Variants in SCAI observed in about 807,000 individuals in gnomAD.
SCAI encodes suppressor of cancer cell invasion.
Under a neutral mutation model 92.2 loss-of-function variants are expected in SCAI, and 24 were observed. The ratio of observed to expected loss-of-function variants is 0.26; its 90% CI spans 0.19 to 0.37. The LOEUF is 0.37. Ranked by LOEUF, SCAI falls within the 10% of genes least tolerant of loss-of-function variation. SCAI has a pLI of 1.00. For missense variants in SCAI, 450 were observed against 736.2 expected, an observed-to-expected ratio of 0.61 and a Z score of 4.50; for synonymous variants, 261 against 258.6, an observed-to-expected ratio of 1.01 and a Z score of -0.09.
In SCAI at chr9:125,042,859, T is replaced by TTTTG. The variant is rs1588172645; in HGVS notation, c.230+13016_230+13017insCAAA. ...CTGGGACCACATTCTGCTCCCTGGC[T>TTTTG]TTTTTTTTTTTTTTTTTTTTTTTTT... On this transcript the variant is annotated intron_variant, in intron 3 of 17. Transcript: ENST00000336505. Among the ~76,000 whole-genome samples, 215 of 31,534 alleles carry TTTTG rather than the reference T, an allele frequency of 6.8e-3. 7 individuals are homozygous for TTTTG. The highest frequency in any genetic ancestry group is 0.038 in the Admixed American group (124 of 3,304). The allele number at this position is 31,534 out of a possible 152,430, so 20.7% of individuals were successfully genotyped here.
rs1368488339 is a variant in SCAI at position 124,948,905 on chromosome 9, A to C, written c.*3902T>G. 6.6e-6 allele frequency: 1 copy of C among 152,190 alleles called. No homozygotes were observed. Among genetic ancestry groups the C allele is most frequent in the African/African-American group, 2.4e-5 (1 of 41,454 alleles). The allele number at this position is 152,190 out of a possible 1,614,324, so 9.4% of individuals were successfully genotyped here. A position where few individuals can be genotyped will look rare whatever the true frequency, so the allele number is the denominator to read the frequency against. ...ATAAAATTAAATACATTAGGGTTTA[A>C]ATTTTTTTATAAAGGGCAGGTGGTA... On this transcript the variant is annotated 3_prime_UTR_variant, in exon 18 of 18. Coordinates refer to ENST00000336505, the MANE Select transcript of SCAI (RefSeq NM_001144877.3).
At chr9:124,976,303 T>G in intron 14 of SCAI, 117 bp from the exon 15 acceptor site, 1 of 682,110 alleles carries the variant, frequency 1.5e-6, no homozygotes, top group Non-Finnish European at 2.6e-6. Flanking sequence ...CATAAATAGA[T>G]GCAGAAACAT....
intron 14 of SCAI, among the ~76,000 whole-genome samples, chr9:124,986,558 T>C (rs1445584612): frequency 1.3e-5 from 2 of 152,162 alleles, no homozygotes; most frequent in Non-Finnish European, 2.9e-5. Flanking sequence ...CTAATACACA[T>C]ATTTAATTGG....
intron 2 of SCAI, among the ~76,000 whole-genome samples, chr9:125,088,661 A>G (rs143022547): frequency 0.014 from 2,091 of 152,316 alleles, 20 homozygotes; most frequent in Non-Finnish European, 0.023. Context: ...AATTTTTTGT[A>G]GAGATGGGGT....
At chr9:124,983,489 A>AT (rs1831928429) in intron 14 of SCAI, among the ~76,000 whole-genome samples, 1 of 152,142 alleles carries the variant, frequency 6.6e-6, no homozygotes, top group South Asian at 2.1e-4. Context: ...ACTAGCTGGG[A>AT]TTACAGGCAT....
At chr9:125,004,870 C>T (rs1352447918) in intron 9 of SCAI, among the ~76,000 whole-genome samples, 1 of 142,670 alleles carries the variant, frequency 7.0e-6, no homozygotes, top group Non-Finnish European at 1.5e-5. Context: ...CTCACTGCAA[C>T]CTCCTCCTCC....
At chr9:125,061,017 G>C (rs1250579089) in intron 2 of SCAI, among the ~76,000 whole-genome samples, 1 of 152,160 alleles carries the variant, frequency 6.6e-6, no homozygotes, top group Admixed American at 6.5e-5. Flanking sequence ...AAAGTCCTTG[G>C]CCAGGCACGG....
In SCAI at chr9:124,950,850, G is replaced by C. The variant is rs1831224879; in HGVS notation, c.*1957C>G. On this transcript the variant is annotated 3_prime_UTR_variant, in exon 18 of 18. Transcript: ENST00000336505. ...GATCACTTGAGCCCAGGAGTTTGAG[G>C]CCAGCCTGCTCAACAAAGTGAGACC... The C allele has an allele frequency of 6.6e-6, 1 of 151,694 alleles. No homozygotes were observed. The highest frequency in any genetic ancestry group is 6.6e-5 in the Admixed American group (1 of 15,214). 9.4% of individuals were successfully genotyped at this position (151,694 alleles called of 1,614,324 possible).
In SCAI at chr9:124,952,857, T is replaced by C; in HGVS notation, c.1771A>G (p.Ile591Val). Residue 591 changes from isoleucine (I) to valine (V), a missense_variant, in exon 18 of 18, where the codon ATT (isoleucine) becomes GTT (valine). By Grantham distance (29) the Ile-to-Val change is conservative. Coordinates refer to ENST00000336505, the MANE Select transcript of SCAI (RefSeq NM_001144877.3). ...AAGAACACGTTTCGAACATCCAGAATGGATGCTAATTCCAAAATGTGCTTC... is the reference window on the plus strand; with the variant it reads ...AAGAACACGTTTCGAACATCCAGAACGGATGCTAATTCCAAAATGTGCTTC... ...LQKHILELASILDVRNVFFEN... is the reference protein window; with the variant it reads ...LQKHILELASVLDVRNVFFEN... 6.2e-7 allele frequency: 1 copy of C among 1,613,610 alleles called. No homozygotes were observed. The highest frequency in any genetic ancestry group is 8.5e-7 in the Non-Finnish European group (1 of 1,179,544).
chr9:125,063,327 A>G (rs1833812661), intron 2 of SCAI, among the ~76,000 whole-genome samples: 1 of 151,720 alleles, frequency 6.6e-6, no homozygotes, highest in African/African-American at 2.4e-5. Context: ...CAGTGAGCCA[A>G]GATCGCACCA....
intron 2 of SCAI, among the ~76,000 whole-genome samples, chr9:125,076,120 C>T (rs892700530): frequency 4.6e-5 from 7 of 152,210 alleles, no homozygotes; most frequent in African/African-American, 1.7e-4. Flanking sequence ...AGCAACATCT[C>T]AGCATACTCT....
chr9:125,080,809 G>C (rs1178102779), intron 2 of SCAI, among the ~76,000 whole-genome samples: 1 of 152,186 alleles, frequency 6.6e-6, no homozygotes, highest in Non-Finnish European at 1.5e-5. Context: ...AATCCACTGT[G>C]ATATGGTTTG....
intron 2 of SCAI, among the ~76,000 whole-genome samples, chr9:125,072,092 C>T (rs1252761393): frequency 3.3e-5 from 5 of 151,006 alleles, no homozygotes; most frequent in African/African-American, 9.8e-5. Context: ...GGTGCAATCT[C>T]GGCTCACTGC....
intron 2 of SCAI, among the ~76,000 whole-genome samples, chr9:125,120,174 A>G (rs551671135): frequency 6.6e-6 from 1 of 152,316 alleles, no homozygotes; most frequent in Admixed American, 6.5e-5. Flanking sequence ...CTGTAGACAC[A>G]TTTGGCAAAT....
At chr9:125,132,556 T>C (rs893037024) in intron 2 of SCAI, among the ~76,000 whole-genome samples, 5 of 152,200 alleles carry the variant, frequency 3.3e-5, no homozygotes, top group Non-Finnish European at 7.3e-5. Flanking sequence ...AACACCCATA[T>C]TTTTAACCGC....
At chr9:125,047,205 T>C (rs1239923350) in intron 3 of SCAI, among the ~76,000 whole-genome samples, 2 of 152,122 alleles carry the variant, frequency 1.3e-5, no homozygotes, top group Admixed American at 6.6e-5. Context: ...TTTAATACAA[T>C]ATGAGTTGCG....
At chr9:124,995,846 A>C (rs751801780) in intron 13 of SCAI, among the ~76,000 whole-genome samples, 76 of 152,158 alleles carry the variant, frequency 5.0e-4, no homozygotes, top group Non-Finnish European at 9.6e-4. Flanking sequence ...TTAAACATGC[A>C]GTTTGACTGG....
At chr9:125,084,523 AGAT>A (rs1834287987) in intron 2 of SCAI, among the ~76,000 whole-genome samples, 1 of 152,088 alleles carries the variant, frequency 6.6e-6, no homozygotes, top group South Asian at 2.1e-4. Flanking sequence ...ACAACAATCC[AGAT>A]GCCCATGCTC....
At chr9:125,032,210 T>TTA (rs1833091299) in intron 3 of SCAI, among the ~76,000 whole-genome samples, 1 of 143,784 alleles carries the variant, frequency 7.0e-6, no homozygotes, top group Non-Finnish European at 1.5e-5. Flanking sequence ...TTTTTTTTTT[T>TTA]GAGATGGAGT....
Sources: gnomAD v4.1 joint callset for allele counts (sites outside exome capture counted in the v4.1 genomes callset) on GRCh38, gnomAD v4.1.1 for gene constraint, MANE v1.5 for transcripts, NCBI Gene and HGNC (gene_info 2026-07-23, HGNC 2026-07-21) for gene names.